PIP5K1B: variants seen among roughly 807,000 people sequenced by gnomAD.
The protein encoded by PIP5K1B is phosphatidylinositol-4-phosphate 5-kinase type 1 beta, also known as phosphatidylinositol 4-phosphate 5-kinase type-1 beta.
A neutral mutation model predicts 67.0 loss-of-function variants in PIP5K1B; 42 were observed. That is an observed-to-expected ratio of 0.63 (90% CI 0.49 to 0.81). PIP5K1B has a LOEUF of 0.81. Among genes scored for constraint, PIP5K1B ranks in the 30% least tolerant of loss-of-function variants. The pLI, the probability that PIP5K1B is intolerant of heterozygous loss-of-function variation, is 0.00. For missense variants in PIP5K1B, 459 were observed against 646.3 expected (o/e 0.71, Z 3.14); for synonymous variants, 214 against 231.4 (o/e 0.92, Z 0.68).
At chr9:68,777,833 A>C (rs1830996847) in intron 2 of PIP5K1B, among the ~76,000 whole-genome samples, 1 of 152,234 alleles carries the variant, frequency 6.6e-6, no homozygotes, top group Non-Finnish European at 1.5e-5. Flanking sequence ...ATTGAGTTCT[A>C]TATTTAATGT....
chr9:68,760,565 C>T (rs536403718), intron 2 of PIP5K1B, among the ~76,000 whole-genome samples: 8 of 152,174 alleles, frequency 5.3e-5, no homozygotes, highest in African/African-American at 1.9e-4. Context: ...GACTTTGGGA[C>T]AGTCCATGAG....
chr9:68,746,684 T>A (rs2132334672), intron 2 of PIP5K1B, among the ~76,000 whole-genome samples: 1 of 152,298 alleles, frequency 6.6e-6, no homozygotes. Context: ...TTGTCCTCTC[T>A]GTGCCTCTCC....
At chr9:68,815,419 A>G (rs943058672) in intron 2 of PIP5K1B, among the ~76,000 whole-genome samples, 1 of 152,128 alleles carries the variant, frequency 6.6e-6, no homozygotes, top group African/African-American at 2.4e-5. Context: ...TAATGAAAAT[A>G]TGTATATAAT....
At position 68,894,654 on chromosome 9, in the gene PIP5K1B, T is replaced by G. The variant is rs778752174; in HGVS notation, c.771+16T>G. 4 of 1,609,878 alleles carry G rather than the reference T, an allele frequency of 2.5e-6. No homozygotes were observed. Among genetic ancestry groups the G allele is most frequent in the Non-Finnish European group, 3.4e-6 (4 of 1,177,094 alleles). ...AGACTGCCGGGTAAGGAAGTTTGAT[T>G]GTTGTGATTTCCTTTGAACTCTGTG... is the stretch of plus-strand genomic sequence containing the variant. On this transcript the variant is annotated intron_variant, in intron 8 of 15. Transcript: ENST00000265382.
intron 6 of PIP5K1B, among the ~76,000 whole-genome samples, chr9:68,877,869 G>C (rs986124434): frequency 6.6e-6 from 1 of 152,140 alleles, no homozygotes; most frequent in African/African-American, 2.4e-5. Flanking sequence ...AAAGAATGGT[G>C]AGCGCAAGGT....
At chr9:68,847,084 T>C (rs1444880450) in intron 4 of PIP5K1B, among the ~76,000 whole-genome samples, 3 of 152,156 alleles carry the variant, frequency 2.0e-5, no homozygotes, top group Non-Finnish European at 4.4e-5. Flanking sequence ...TCCTCCTGTC[T>C]TATGAAGTCA....
chr9:68,992,839 C>CAAAAAAAAAAA (rs201517701), intron 15 of PIP5K1B, among the ~76,000 whole-genome samples: 4 of 57,556 alleles, frequency 6.9e-5, no homozygotes, highest in Non-Finnish European at 1.2e-4. Context: ...GACCCTGTCT[C>CAAAAAAAAAAA]AAAAAAAAAA....
intron 7 of PIP5K1B, among the ~76,000 whole-genome samples, chr9:68,893,280 T>C (rs916926843): frequency 1.3e-5 from 2 of 151,982 alleles, no homozygotes; most frequent in Non-Finnish European, 2.9e-5. Flanking sequence ...TATTTTAATT[T>C]CTTATCTACT....
At chr9:68,788,508 T>C (rs1173524818) in intron 2 of PIP5K1B, 6 of 356,530 alleles carry the variant, frequency 1.7e-5, no homozygotes, top group Non-Finnish European at 2.6e-5. Flanking sequence ...TGTTTTTTAG[T>C]AATAGGTAAA....
At chr9:68,723,984 C>G (rs905726181) in intron 1 of PIP5K1B, among the ~76,000 whole-genome samples, 1 of 151,680 alleles carries the variant, frequency 6.6e-6, no homozygotes, top group Non-Finnish European at 1.5e-5. Flanking sequence ...AAATTTTTTT[C>G]AGTAGTTTCA....
At chr9:68,925,452 G>T (rs10122975) in intron 12 of PIP5K1B, among the ~76,000 whole-genome samples, 26,192 of 151,964 alleles carry the variant, frequency 0.17, 3,858 homozygotes, top group East Asian at 0.5. Context: ...TATTTTGCAT[G>T]TAAGTACTGG....
At chr9:68,892,953 G>A (rs1824873772) in intron 7 of PIP5K1B, among the ~76,000 whole-genome samples, 1 of 152,044 alleles carries the variant, frequency 6.6e-6, no homozygotes, top group Non-Finnish European at 1.5e-5. Context: ...CACACCTGTA[G>A]TCCCAGCTAC....
intron 2 of PIP5K1B, among the ~76,000 whole-genome samples, chr9:68,769,979 T>C (rs1040494771): frequency 2.0e-5 from 3 of 152,230 alleles, no homozygotes; most frequent in African/African-American, 7.2e-5. Context: ...TCCTCTCATC[T>C]GGGTTTTCCA....
intron 12 of PIP5K1B, 59 bp downstream of exon 12, chr9:68,923,445 T>C: frequency 1.2e-6 from 1 of 834,616 alleles, no homozygotes; most frequent in Non-Finnish European, 2.0e-6. Context: ...TATGTATCTT[T>C]GCAAGATTTT....
chr9:68,923,280 TC>T lies in PIP5K1B; in HGVS notation c.1117-20del, dbSNP rs1438388629. The T allele has an allele frequency of 4.3e-6, 6 of 1,390,020 alleles. No individual in the cohort carries two copies. The East Asian group carries it at 1.4e-4, about 32-fold the overall frequency. The allele number at this position is 1,390,020 out of a possible 1,614,324, so 86.1% of individuals were successfully genotyped here. On this transcript the variant is annotated intron_variant, in intron 11 of 15. Coordinates refer to ENST00000265382, the MANE Select transcript of PIP5K1B (RefSeq NM_003558.4). The stretch of plus-strand genomic sequence containing the variant: ...TGAACATTAAGAGGTGACCCTGTGA[TC>T]CTGGGTTTTTGTCTTTTCAGGACAC...
At position 68,919,689 on chromosome 9, in the gene PIP5K1B, A is replaced by G. The variant is rs1430235240; in HGVS notation, c.1076A>G (p.Lys359Arg). The stretch of plus-strand genomic sequence containing the variant: ...TTTCCATTTATATTTAGGTTAATGA[A>G]GAAGTTAGAACATTCCTGGAAAGCT... ...IDILQSYRLM[K>R]KLEHSWKALV... is the part of the protein sequence containing the mutation. The change falls in exon 11 of 16, where the codon AAG becomes AGG. Residue 359 changes from lysine to arginine, a missense_variant. Coordinates refer to ENST00000265382, the MANE Select transcript of PIP5K1B (RefSeq NM_003558.4). 1 of 1,554,134 alleles carries G rather than the reference A, an allele frequency of 6.4e-7. No individual in the cohort carries two copies. The highest frequency in any genetic ancestry group is 8.9e-7 in the Non-Finnish European group (1 of 1,127,208).
chr9:68,720,291 TAC>T (rs1827826010), intron 1 of PIP5K1B, among the ~76,000 whole-genome samples: 1 of 152,224 alleles, frequency 6.6e-6, no homozygotes, highest in African/African-American at 2.4e-5. Context: ...GTTGCCAGAT[TAC>T]AGTCTTTCTT....
intron 2 of PIP5K1B, chr9:68,785,995 A>G (rs1323492552): frequency 6.6e-6 from 1 of 152,224 alleles, no homozygotes; most frequent in Non-Finnish European, 1.5e-5. Context: ...AATGCAAAAC[A>G]AGCCTTATTC....
At chr9:68,930,699 G>A (rs74533484) in intron 12 of PIP5K1B, among the ~76,000 whole-genome samples, 5,960 of 151,798 alleles carry the variant, frequency 0.039, 113 homozygotes, top group Middle Eastern at 0.054. Flanking sequence ...TGCAGCTAGA[G>A]GAATCAGTTT....
Sources: allele counts gnomAD v4.1 joint callset (sites outside exome capture counted in the v4.1 genomes callset), GRCh38; gene constraint gnomAD v4.1.1; transcripts MANE v1.5; gene names NCBI Gene and HGNC (gene_info 2026-07-23, HGNC 2026-07-21).